COG5: variants seen among roughly 807,000 people sequenced by gnomAD.
The protein encoded by COG5 is conserved oligomeric Golgi complex subunit 5.
COG5 carries 86 observed loss-of-function variants against 110.4 expected under a neutral mutation model. The observed-to-expected ratio is 0.78, with a 90% confidence interval of 0.65 to 0.93. The LOEUF (loss-of-function observed/expected upper bound fraction) is 0.93. Ranked by LOEUF, COG5 falls within the 40% of genes least tolerant of loss-of-function variation. The pLI is 0.00. For synonymous variants in COG5, 360 were observed against 334.6 expected, an observed-to-expected ratio of 1.08 and a Z score of -0.83; for missense variants, 1,077 against 987.0, an observed-to-expected ratio of 1.09 and a Z score of -1.22.
Position 107,324,532 on chromosome 7 carries a change from C to A in COG5, c.1027-11G>T. 6.4e-7 allele frequency: 1 copy of A among 1,564,296 alleles called. No individual in the cohort carries two copies. The highest frequency in any genetic ancestry group is 8.7e-7 in the Non-Finnish European group (1 of 1,144,098). ...TTCCGGTTGTCCATCCTGTGAAGAA[C>A]AAACAAAAATTTTTTAAAAATAAAA... On this transcript the variant is annotated splice_polypyrimidine_tract_variant and intron_variant, in intron 10 of 21. Transcript: ENST00000297135.
chr7:107,365,282 A>T (rs1584733639), intron 8 of COG5, among the ~76,000 whole-genome samples: 1 of 152,094 alleles, frequency 6.6e-6, no homozygotes, highest in African/African-American at 2.4e-5. Context: ...GGTGGAATAA[A>T]ATCATTTTCT....
chr7:107,442,476 C>A (rs886151518), intron 6 of COG5, among the ~76,000 whole-genome samples: 3 of 143,372 alleles, frequency 2.1e-5, no homozygotes, highest in Non-Finnish European at 3.1e-5. Flanking sequence ...CAGGAGTAAC[C>A]CACAGGTTTT....
chr7:107,362,162 A>G, intron 9 of COG5, 52 bp from the exon 10 acceptor site: 1 of 1,454,036 alleles, frequency 6.9e-7, no homozygotes, highest in South Asian at 1.2e-5. Flanking sequence ...AAGAAAAGGG[A>G]AATGGCAACC....
At chr7:107,551,998 C>T (rs1802926115) in intron 3 of COG5, among the ~76,000 whole-genome samples, 1 of 152,194 alleles carries the variant, frequency 6.6e-6, no homozygotes, top group East Asian at 1.9e-4. Context: ...CCTTTGTACT[C>T]TACACACTCA....
intron 18 of COG5, among the ~76,000 whole-genome samples, chr7:107,231,022 C>T (rs984285783): frequency 6.6e-6 from 1 of 152,144 alleles, no homozygotes; most frequent in South Asian, 2.1e-4. Context: ...ATACTTTAGG[C>T]ATTACAAGTC....
At chr7:107,422,072 A>T (rs2129073772) in intron 6 of COG5, among the ~76,000 whole-genome samples, 1 of 152,298 alleles carries the variant, frequency 6.6e-6, no homozygotes, top group Non-Finnish European at 1.5e-5. Context: ...AGGTAAAATA[A>T]ATCCAAAATT....
chr7:107,314,338 CT>C (rs1808536922), intron 11 of COG5, among the ~76,000 whole-genome samples: 1 of 152,022 alleles, frequency 6.6e-6, no homozygotes, highest in Admixed American at 6.5e-5. Context: ...TGTACTTGAT[CT>C]TAGTTATACA....
intron 3 of COG5, among the ~76,000 whole-genome samples, chr7:107,550,797 C>A (rs1229233885): frequency 2.0e-5 from 3 of 151,858 alleles, no homozygotes; most frequent in Non-Finnish European, 4.4e-5. Flanking sequence ...CCTCTGCCTC[C>A]CAGGTTCAAG....
intron 11 of COG5, among the ~76,000 whole-genome samples, chr7:107,303,255 A>G (rs531375082): frequency 1.2e-4 from 18 of 152,032 alleles, no homozygotes; most frequent in Non-Finnish European, 2.6e-4. Flanking sequence ...TCATTTTCAC[A>G]AAAATCTTAT....
At chr7:107,485,412 A>G (rs1050595322) in intron 6 of COG5, among the ~76,000 whole-genome samples, 3 of 152,230 alleles carry the variant, frequency 2.0e-5, no homozygotes, top group Non-Finnish European at 4.4e-5. Flanking sequence ...ATGTTTTATC[A>G]CCATTGTCAA....
At chr7:107,297,258 C>T (rs192419552) in intron 12 of COG5, among the ~76,000 whole-genome samples, 30 of 152,034 alleles carry the variant, frequency 2.0e-4, no homozygotes, top group Non-Finnish European at 1.6e-4. Flanking sequence ...TTATCATTCT[C>T]TAAGCAATAT....
At chr7:107,386,561 G>A (rs927462371) in intron 7 of COG5, among the ~76,000 whole-genome samples, 1 of 152,120 alleles carries the variant, frequency 6.6e-6, no homozygotes, top group Non-Finnish European at 1.5e-5. Context: ...TCCAAGTTTG[G>A]GGGGGATTGT....
At position 107,236,334 on chromosome 7, in the gene COG5, C is replaced by G. The variant is rs1451770500; in HGVS notation, c.2091+116G>C. On this transcript the variant is annotated intron_variant, in intron 18 of 21. Coordinates refer to ENST00000297135, the MANE Select transcript of COG5 (RefSeq NM_006348.5). ...TTTTAACTATTTATGCTTAAGTGGG[C>G]TTACTTTTCTTTGTGCTGCAACTCT... The G allele has an allele frequency of 1.1e-5, 9 of 782,786 alleles. No individual in the cohort carries two copies. In the Admixed American group the frequency reaches 1.3e-4, roughly 12 times the overall value. The allele number at this position is 782,786 out of a possible 1,614,324, so 48.5% of individuals were successfully genotyped here.
intron 6 of COG5, among the ~76,000 whole-genome samples, chr7:107,515,715 T>A (rs1407772579): frequency 6.6e-6 from 1 of 152,232 alleles, no homozygotes; most frequent in Non-Finnish European, 1.5e-5. Context: ...AAATCATCCT[T>A]CTTTTACTCT....
chr7:107,214,646 G>A (rs1799393622), intron 19 of COG5, among the ~76,000 whole-genome samples: 1 of 152,112 alleles, frequency 6.6e-6, no homozygotes, highest in African/African-American at 2.4e-5. Flanking sequence ...TCAAGGCCAG[G>A]CACAGTGACT....
At chr7:107,327,986 C>T (rs1421487109) in intron 10 of COG5, among the ~76,000 whole-genome samples, 1 of 152,128 alleles carries the variant, frequency 6.6e-6, no homozygotes, top group Admixed American at 6.5e-5. Context: ...TTTGAATACT[C>T]ATGTTTACTG....
intron 6 of COG5, among the ~76,000 whole-genome samples, chr7:107,487,227 G>T (rs1016219638): frequency 2.6e-5 from 4 of 151,960 alleles, no homozygotes; most frequent in Non-Finnish European, 5.9e-5. Flanking sequence ...AGGAAAATAG[G>T]CAAAGAATAC....
chr7:107,368,320 T>C (rs1256803641), intron 8 of COG5, among the ~76,000 whole-genome samples: 1 of 152,122 alleles, frequency 6.6e-6, no homozygotes, highest in Non-Finnish European at 1.5e-5. Context: ...TTAAAAAGTA[T>C]ACTTCTAAAA....
intron 8 of COG5, among the ~76,000 whole-genome samples, chr7:107,368,345 CTA>C (rs1213993376): frequency 1.3e-5 from 2 of 151,882 alleles, no homozygotes; most frequent in Non-Finnish European, 2.9e-5. Flanking sequence ...TGGGGCTAAA[CTA>C]TGGTGCTTAA....
Sources: allele counts gnomAD v4.1 joint callset (sites outside exome capture counted in the v4.1 genomes callset), GRCh38; gene constraint gnomAD v4.1.1; transcripts MANE v1.5; gene names NCBI Gene and HGNC (gene_info 2026-07-23, HGNC 2026-07-21).